The following DHRS12 variants were observed in gnomAD, a reference collection of about 807,000 sequenced individuals.
The protein encoded by DHRS12 is dehydrogenase/reductase 12, also known as dehydrogenase/reductase SDR family member 12.
A neutral mutation model predicts 32.1 loss-of-function variants in DHRS12; 29 were observed. The observed-to-expected ratio is 0.90, with a 90% CI of 0.67 to 1.23. The LOEUF is 1.23. Among genes scored for constraint, DHRS12 ranks in the 50% most tolerant of loss-of-function variants. The pLI is 0.00. For missense variants in DHRS12, 330 were observed against 337.2 expected (o/e 0.98, Z 0.17); for synonymous variants, 150 against 135.9 (o/e 1.10, Z -0.72).
chr13:51,761,629 C>T, the DHRS12 span: 19,058 of 152,152 alleles, frequency 0.13, 1,485 homozygotes, highest in South Asian at 0.22. Context: ...CCTGGAAAGC[C>T]GTTTTTTGCC....
At chr13:51,780,178 AAAATAAATAAAT>A (rs57632376) in intron 4 of DHRS12, among the ~76,000 whole-genome samples, 3 of 151,026 alleles carry the variant, frequency 2.0e-5, no homozygotes, top group Admixed American at 6.6e-5. Flanking sequence ...TTCCATCTCA[AAAATAAATAAAT>A]AAATAAATAA....
At chr13:51,794,224 G>A (rs961168465) in intron 2 of DHRS12, among the ~76,000 whole-genome samples, 1 of 152,192 alleles carries the variant, frequency 6.6e-6, no homozygotes, top group Non-Finnish European at 1.5e-5. Context: ...CATGGTTACT[G>A]AAATTGAACA....
chr13:51,787,750 T>TA (rs1955026971), intron 4 of DHRS12, among the ~76,000 whole-genome samples: 1 of 107,230 alleles, frequency 9.3e-6, no homozygotes, highest in East Asian at 3.0e-4. Flanking sequence ...ATATTATATA[T>TA]TTTTATATAT....
At chr13:51,765,812 G>A (rs1271677984), downstream of DHRS12, 1 of 152,062 alleles carries the variant, frequency 6.6e-6, no homozygotes, top group South Asian at 2.1e-4. Context: ...AGATGGTAAG[G>A]GTGGAAATTA....
At chr13:51,789,871 C>A in intron 4 of DHRS12, 140 bp downstream of exon 4, 1 of 1,321,708 alleles carries the variant, frequency 7.6e-7, no homozygotes. Context: ...AAAATAAGTA[C>A]AATTCAGAAT....
Position 51,771,931 on chromosome 13 carries a change from G to A in DHRS12, c.469-20C>T, listed in dbSNP as rs754196769. ...CTGCCTCTGGACAGGAAGGAGCGAG[G>A]GGGTGAACAGGAGAGAGGAGGCGCC... On this transcript the variant is annotated intron_variant, in intron 6 of 8. Transcript: ENST00000444610. 6.8e-6 allele frequency: 11 copies of A among 1,613,076 alleles called. No individual in the cohort carries two copies. In the African/African-American group the frequency reaches 1.5e-4, roughly 22 times the overall value.
intron 4 of DHRS12, 77 bp from the exon 5 acceptor site, chr13:51,777,198 G>C (rs1288690280): frequency 1.9e-6 from 3 of 1,558,000 alleles, no homozygotes; most frequent in Non-Finnish European, 8.8e-7. Flanking sequence ...CTGATGTGGG[G>C]ACTGTCTGCC....
At chr13:51,783,443 T>C (rs1954813385) in intron 4 of DHRS12, among the ~76,000 whole-genome samples, 1 of 152,208 alleles carries the variant, frequency 6.6e-6, no homozygotes, top group Admixed American at 6.5e-5. Context: ...AAAGTTACAA[T>C]GCTTTCTTTT....
chr13:51,784,963 C>T (rs1467516819), intron 4 of DHRS12, among the ~76,000 whole-genome samples: 1 of 152,234 alleles, frequency 6.6e-6, no homozygotes, highest in Non-Finnish European at 1.5e-5. Context: ...CGCAGTGGCT[C>T]ATGCCTGTAA....
intron 4 of DHRS12, among the ~76,000 whole-genome samples, chr13:51,780,178 A>AAAATAAATAAAT (rs57632376): frequency 1.7e-4 from 25 of 151,024 alleles, no homozygotes; most frequent in Admixed American, 3.3e-4. Flanking sequence ...TTCCATCTCA[A>AAAATAAATAAAT]AAATAAATAA....
chr13:51,763,279 C>T (rs1011721047), downstream of DHRS12: 25 of 152,250 alleles, frequency 1.6e-4, no homozygotes, highest in Admixed American at 1.2e-3. Context: ...TTATCGAAAG[C>T]ATATATGACA....
chr13:51,759,659 T>G, the DHRS12 span: 22 of 1,396,898 alleles, frequency 1.6e-5, no homozygotes, highest in South Asian at 2.5e-4. Context: ...TGAAAAAAAT[T>G]TCCTTGAAGA....
downstream of DHRS12, chr13:51,765,709 C>CTT (rs1347378722): frequency 6.6e-6 from 1 of 152,170 alleles, no homozygotes; most frequent in African/African-American, 2.4e-5. Flanking sequence ...GCTTTCTGGA[C>CTT]TTTTTCCATC....
At chr13:51,800,593 G>A (rs1317064423) in intron 1 of DHRS12, among the ~76,000 whole-genome samples, 1 of 152,204 alleles carries the variant, frequency 6.6e-6, no homozygotes, top group South Asian at 2.1e-4. Context: ...TGATCTCAAG[G>A]CTCCACAGAT....
At chr13:51,798,340 C>A (rs1444988911) in intron 2 of DHRS12, among the ~76,000 whole-genome samples, 1 of 152,202 alleles carries the variant, frequency 6.6e-6, no homozygotes. Context: ...CCAAAGTAGA[C>A]AGCCACTTGC....
At chr13:51,790,922 C>T (rs186244697) in intron 3 of DHRS12, among the ~76,000 whole-genome samples, 9 of 152,272 alleles carry the variant, frequency 5.9e-5, no homozygotes, top group African/African-American at 1.9e-4. Flanking sequence ...AAACATGGAA[C>T]ATATCTATCC....
the DHRS12 span, chr13:51,762,453 C>T: frequency 6.6e-6 from 1 of 152,234 alleles, no homozygotes. Context: ...ATCCATTGCT[C>T]TTTCCTTTTC....
chr13:51,767,776 T>C (rs1302671195), downstream of DHRS12: 1 of 32,098 alleles, frequency 3.1e-5, no homozygotes, highest in Admixed American at 3.8e-4. Flanking sequence ...AGCCCTCTCC[T>C]GGGGCGGGGG....
chr13:51,776,926 A>G (rs1954448730), intron 5 of DHRS12, 134 bp downstream of exon 5: 1 of 961,270 alleles, frequency 1.0e-6, no homozygotes, highest in Non-Finnish European at 1.6e-6. Context: ...CGGCCCCCTG[A>G]CAGAATTGAG....
Sources: gnomAD v4.1 joint callset for allele counts (sites outside exome capture counted in the v4.1 genomes callset) on GRCh38, gnomAD v4.1.1 for gene constraint, MANE v1.5 for transcripts, NCBI Gene and HGNC (gene_info 2026-07-23, HGNC 2026-07-21) for gene names.